Variants in WWC1 observed in about 807,000 individuals in gnomAD.
WWC1 encodes the protein WW and C2 domain containing 1.
A neutral mutation model predicts 138.4 loss-of-function variants in WWC1; 55 were observed. The ratio of observed to expected loss-of-function variants is 0.40; its 90% confidence interval spans 0.32 to 0.50. WWC1 has a LOEUF of 0.50. WWC1 is among the 20% of genes least tolerant of loss of function. WWC1 has a pLI of 0.72. For missense variants in WWC1, 1,226 were observed against 1,420.4 expected (o/e 0.86, Z 2.20); for synonymous variants, 524 against 564.9 (o/e 0.93, Z 1.03).
intron 9 of WWC1, among the ~76,000 whole-genome samples, chr5:168,420,840 C>T (rs991998864): frequency 6.6e-6 from 1 of 152,184 alleles, no homozygotes; most frequent in Admixed American, 6.5e-5. Context: ...CAGCCACCCT[C>T]CCCGCCTTCA....
At chr5:168,303,360 T>A (rs938388747) in intron 1 of WWC1, among the ~76,000 whole-genome samples, 2 of 151,714 alleles carry the variant, frequency 1.3e-5, no homozygotes, top group Non-Finnish European at 2.9e-5. Flanking sequence ...ACTTTGGGAG[T>A]CTGATACAGG....
rs1240974414 is a variant in WWC1, at chr5:168,470,718, C to T, written c.*1701C>T. The T allele has an allele frequency of 1.3e-5, 2 of 152,054 alleles. No homozygotes were observed. The highest frequency in any genetic ancestry group is 4.8e-5 in the African/African-American group (2 of 41,358). The allele number at this position is 152,054 out of a possible 1,614,324, so 9.4% of individuals were successfully genotyped here. On this transcript the variant is annotated 3_prime_UTR_variant, in exon 23 of 23. Coordinates refer to ENST00000265293, the MANE Select transcript of WWC1 (RefSeq NM_015238.3). ...GCGTAGTGGCGCATACCTGTAATCC[C>T]AGCTACTTGGGTGGCCAAGGCTTGA...
At position 168,393,151 on chromosome 5, in the gene WWC1, A is replaced by C. The variant is rs1269887264; in HGVS notation, c.434-4573A>C. 4.6e-5 allele frequency among the ~76,000 whole-genome samples: 7 copies of C among 152,338 alleles called. No homozygotes were observed. The East Asian group carries it at 7.7e-4, about 17-fold the overall frequency. On this transcript the variant is annotated intron_variant, in intron 3 of 22. Coordinates refer to ENST00000265293, the MANE Select transcript of WWC1 (RefSeq NM_015238.3). ...AGACTACAAGGACAGGAAATCTACT[A>C]TCTGAGGAAAATATGTTCCAGATAG...
chr5:168,459,064 G>A (rs1457960812), intron 19 of WWC1, among the ~76,000 whole-genome samples: 1 of 151,762 alleles, frequency 6.6e-6, no homozygotes, highest in African/African-American at 2.4e-5. Context: ...GACCAGCCTG[G>A]GCAACATGGT....
At chr5:168,428,650 C>A in intron 12 of WWC1, 57 bp from the exon 13 acceptor site, 2 of 1,561,656 alleles carry the variant, frequency 1.3e-6, no homozygotes, top group South Asian at 2.2e-5. Flanking sequence ...CTCAGCCTCC[C>A]AGAATAGTTT....
rs141947994 is a variant in WWC1 at position 168,354,023 on chromosome 5, C to T, written c.120-17401C>T. On this transcript the variant is annotated intron_variant, in intron 1 of 22. Coordinates refer to ENST00000265293, the MANE Select transcript of WWC1 (RefSeq NM_015238.3). Reference sequence around the variant, plus strand: ...AGATATTTGGAAATAAGCTTAGGCTCTTCCAAAAATGAGTGCTTTTTCTTT... The same window carrying T: ...AGATATTTGGAAATAAGCTTAGGCTTTTCCAAAAATGAGTGCTTTTTCTTT... 2.9e-3 allele frequency among the ~76,000 whole-genome samples: 445 copies of T among 151,950 alleles called. 1 individual carries two copies. Among genetic ancestry groups the T allele is most frequent in the Non-Finnish European group, 5.0e-3 (337 of 67,964 alleles).
chr5:168,378,264 A>T (rs1280267923), intron 2 of WWC1, among the ~76,000 whole-genome samples: 1 of 152,170 alleles, frequency 6.6e-6, no homozygotes, highest in African/African-American at 2.4e-5. Context: ...GATGGCAGCA[A>T]TAGGCACTAG....
At chr5:168,374,439 TG>T (rs35201564) in intron 2 of WWC1, among the ~76,000 whole-genome samples, 38,864 of 151,936 alleles carry the variant, frequency 0.26, 5,138 homozygotes, top group South Asian at 0.45. Context: ...AGCTAAGACT[TG>T]AAGGAGGTGA....
chr5:168,410,028 C>T, intron 8 of WWC1, 33 bp downstream of exon 8: 7 of 1,603,768 alleles, frequency 4.4e-6, no homozygotes, highest in Non-Finnish European at 6.0e-6. Context: ...CGGGATGGTT[C>T]CAAAAATAAT....
chr5:168,362,169 T>C (rs1037452979), intron 1 of WWC1, among the ~76,000 whole-genome samples: 4 of 152,220 alleles, frequency 2.6e-5, no homozygotes, highest in Admixed American at 1.3e-4. Flanking sequence ...TTTCATGCAT[T>C]ATCTCATGTA....
At chr5:168,343,691 G>C (rs927501523) in intron 1 of WWC1, among the ~76,000 whole-genome samples, 2 of 152,174 alleles carry the variant, frequency 1.3e-5, no homozygotes, top group Middle Eastern at 3.4e-3. Context: ...GCGTGGTGGC[G>C]TGTGCCTGTA....
Position 168,409,999 on chromosome 5 carries a change from A to T in WWC1, c.941+4A>T. ...GATATGAAGAGGCTAAGAGAAGGTA[A>T]TTGGGCTGGGGCTAGGGGCGGGATG... On this transcript the variant is annotated splice_donor_region_variant and intron_variant, in intron 8 of 22. Coordinates refer to ENST00000265293, the MANE Select transcript of WWC1 (RefSeq NM_015238.3). 1.2e-6 allele frequency: 2 copies of T among 1,612,366 alleles called. No homozygotes were observed. The highest frequency in any genetic ancestry group is 1.7e-6 in the Non-Finnish European group (2 of 1,179,104).
chr5:168,371,585 C>CCAAG (rs1393053331), intron 2 of WWC1, 52 bp downstream of exon 2: 1 of 1,310,476 alleles, frequency 7.6e-7, no homozygotes, highest in Admixed American at 1.8e-5. Flanking sequence ...CCCTCCACCT[C>CCAAG]CAAGCCCATC....
intron 2 of WWC1, among the ~76,000 whole-genome samples, chr5:168,372,769 T>C (rs1339703092): frequency 6.6e-6 from 1 of 152,230 alleles, no homozygotes; most frequent in Non-Finnish European, 1.5e-5. Flanking sequence ...GCCACACCTG[T>C]CTTGTGCCCT....
At chr5:168,387,346 A>G (rs1778123170) in intron 3 of WWC1, among the ~76,000 whole-genome samples, 2 of 152,204 alleles carry the variant, frequency 1.3e-5, no homozygotes, top group African/African-American at 4.8e-5. Context: ...TTGCCAGGGT[A>G]CTTACTGTCC....
At chr5:168,406,005 G>T (rs1025979521) in intron 5 of WWC1, among the ~76,000 whole-genome samples, 193 bp from the exon 6 acceptor site, 1 of 152,040 alleles carries the variant, frequency 6.6e-6, no homozygotes, top group African/African-American at 2.4e-5. Context: ...GGGATTACAG[G>T]TGTGAGCCAC....
Position 168,412,146 on chromosome 5 carries a change from C to T in WWC1, c.941+2151C>T, listed in dbSNP as rs958427496. ...TCTTAGATGGTCAGTCCTTGAGACA[C>T]TAAAGGACTGCAGTGCTCTCTCTGG... On this transcript the variant is annotated intron_variant, in intron 8 of 22. Coordinates refer to ENST00000265293, the MANE Select transcript of WWC1 (RefSeq NM_015238.3). The T allele has an allele frequency of 4.1e-6, 4 of 985,306 alleles. No homozygotes were observed. The African/African-American group carries it at 5.2e-5, about 13-fold the overall frequency. 61.0% of individuals were successfully genotyped at this position (985,306 alleles called of 1,614,324 possible). A position where few individuals can be genotyped will look rare whatever the true frequency, so the allele number is the denominator to read the frequency against.
rs72838320 is a variant in WWC1 at position 168,292,740 on chromosome 5, G to A, written c.119+469G>A. ...GGTGGTCAAGACCCCAGGATTCCGTGGGAGACCACTGGAGAGAGGGCACTC... is the reference window on the plus strand; with the variant it reads ...GGTGGTCAAGACCCCAGGATTCCGTAGGAGACCACTGGAGAGAGGGCACTC... On this transcript the variant is annotated intron_variant, in intron 1 of 22. Coordinates refer to ENST00000265293, the MANE Select transcript of WWC1 (RefSeq NM_015238.3). This position sits in a 1 kb window ranked among gnomAD's most constrained non-coding sequence, Gnocchi z 4.4. Among the ~76,000 whole-genome samples, 19,455 of 152,114 alleles carry A rather than the reference G, an allele frequency of 0.13. 1,679 individuals are homozygous for A. The highest frequency in any genetic ancestry group is 0.17 in the Non-Finnish European group (11,543 of 67,954).
intron 6 of WWC1, among the ~76,000 whole-genome samples, chr5:168,407,322 G>A (rs1231636158): frequency 1.4e-4 from 21 of 151,984 alleles, no homozygotes; most frequent in Admixed American, 1.4e-3. Context: ...CCATCCTACA[G>A]AAAAAAGACT....
Sources: allele counts gnomAD v4.1 joint callset (sites outside exome capture counted in the v4.1 genomes callset), GRCh38; gene constraint gnomAD v4.1.1; non-coding constraint Gnocchi (gnomAD v3.1); transcripts MANE v1.5; gene names NCBI Gene and HGNC (gene_info 2026-07-23, HGNC 2026-07-21).